The following CNTNAP5 variants were observed in gnomAD, a reference collection of about 807,000 sequenced individuals.
CNTNAP5 encodes contactin-associated protein-like 5.
CNTNAP5 carries 72 observed loss-of-function variants against 150.2 expected under a neutral mutation model. That is an observed-to-expected ratio of 0.48 (90% CI 0.40 to 0.58). The LOEUF (loss-of-function observed/expected upper bound fraction) is 0.58. CNTNAP5 is among the 20% of genes least tolerant of loss of function. CNTNAP5 has a pLI of 0.00. For synonymous variants in CNTNAP5, 672 were observed against 619.8 expected (o/e 1.08, Z -1.25); for missense variants, 1,636 against 1,626.2 (o/e 1.01, Z -0.10).
chr2:124,170,409 A>G (rs557578026), intron 1 of CNTNAP5, among the ~76,000 whole-genome samples: 77 of 152,346 alleles, frequency 5.1e-4, no homozygotes, highest in Middle Eastern at 3.4e-3. Context: ...TTAGCTTTTC[A>G]GAAATCTTGC....
At chr2:124,810,423 C>G (rs970370540) in intron 19 of CNTNAP5, among the ~76,000 whole-genome samples, 3 of 152,060 alleles carry the variant, frequency 2.0e-5, no homozygotes, top group Non-Finnish European at 4.4e-5. Flanking sequence ...CATCTGGCTT[C>G]CCCAGATACA....
rs907155576 is a variant in CNTNAP5 at position 124,920,276 on chromosome 2, A to T, written c.*5988A>T. 2.6e-5 allele frequency among the ~76,000 whole-genome samples: 4 copies of T among 152,146 alleles called. No individual in the cohort carries two copies. The highest frequency in any genetic ancestry group is 5.9e-5 in the Non-Finnish European group (4 of 68,024). ...AGAGAACGTGAACAAAGTGCTGGATATGAAACAGGAATAATGCATTCCTCT... is the reference window on the plus strand; with the variant it reads ...AGAGAACGTGAACAAAGTGCTGGATTTGAAACAGGAATAATGCATTCCTCT... On this transcript the variant is annotated 3_prime_UTR_variant, in exon 24 of 24. Transcript: ENST00000682447.
chr2:124,443,425 A>G (rs1392097599), intron 5 of CNTNAP5, among the ~76,000 whole-genome samples: 1 of 151,938 alleles, frequency 6.6e-6, no homozygotes, highest in Non-Finnish European at 1.5e-5. Context: ...TGCACATTCT[A>G]TTTTACCATC....
chr2:124,414,722 C>CATGT (rs141128090), intron 3 of CNTNAP5, among the ~76,000 whole-genome samples: 21 of 149,742 alleles, frequency 1.4e-4, no homozygotes, highest in Non-Finnish European at 2.4e-4. Context: ...TGTGTGTGTG[C>CATGT]GTGTGTGTGT....
rs146169804 is a variant in CNTNAP5, at chr2:124,117,055, C to T, written c.82+91323C>T. The stretch of plus-strand genomic sequence containing the variant: ...AGCACTGAAACACTCTCCTATCCTC[C>T]TCTCCTAACAGAGTAGCACACACTG... On this transcript the variant is annotated intron_variant, in intron 1 of 23. Coordinates refer to ENST00000682447, the MANE Select transcript of CNTNAP5 (RefSeq NM_001367498.1). Among the ~76,000 whole-genome samples, 312 of 152,362 alleles carry T rather than the reference C, an allele frequency of 2.0e-3. 3 individuals are homozygous for T. Among genetic ancestry groups the T allele is most frequent in the Middle Eastern group, 0.02 (6 of 294 alleles).
intron 11 of CNTNAP5, among the ~76,000 whole-genome samples, chr2:124,578,120 G>A (rs543618745): frequency 6.3e-5 from 9 of 141,778 alleles, no homozygotes; most frequent in East Asian, 6.3e-4. Flanking sequence ...GACCAGCCTG[G>A]CCAACATGGT....
At chr2:124,531,637 C>T (rs1695111724) in intron 10 of CNTNAP5, among the ~76,000 whole-genome samples, 1 of 152,118 alleles carries the variant, frequency 6.6e-6, no homozygotes, top group African/African-American at 2.4e-5. Context: ...AAGCTAAGAC[C>T]TGGAGACGTA....
At chr2:124,299,042 A>G (rs576068157) in intron 3 of CNTNAP5, among the ~76,000 whole-genome samples, 2 of 152,220 alleles carry the variant, frequency 1.3e-5, no homozygotes, top group Non-Finnish European at 2.9e-5. Flanking sequence ...GAAGGGGAAG[A>G]AAAATGGAAT....
chr2:124,881,542 G>A (rs138485482), intron 21 of CNTNAP5, among the ~76,000 whole-genome samples: 8 of 152,186 alleles, frequency 5.3e-5, no homozygotes, highest in South Asian at 2.1e-4. Context: ...CTTTGAGCCA[G>A]CTCTCCAGTC....
At chr2:124,074,008 A>G (rs1682378089) in intron 1 of CNTNAP5, among the ~76,000 whole-genome samples, 1 of 152,158 alleles carries the variant, frequency 6.6e-6, no homozygotes, top group African/African-American at 2.4e-5. Context: ...ATTTATACAT[A>G]AAAAAGAATG....
At chr2:124,890,939 A>G (rs993240282) in intron 21 of CNTNAP5, among the ~76,000 whole-genome samples, 2 of 152,108 alleles carry the variant, frequency 1.3e-5, no homozygotes, top group Non-Finnish European at 2.9e-5. Context: ...TGTATTTACC[A>G]TGTGCCAGGC....
intron 1 of CNTNAP5, among the ~76,000 whole-genome samples, chr2:124,117,422 T>C (rs1683453199): frequency 6.6e-6 from 1 of 152,192 alleles, no homozygotes; most frequent in Admixed American, 6.5e-5. Context: ...ACAAGGCATA[T>C]AGCATATGCT....
intron 4 of CNTNAP5, among the ~76,000 whole-genome samples, chr2:124,427,752 C>T (rs1475288278): frequency 2.0e-4 from 30 of 152,068 alleles, no homozygotes; most frequent in Admixed American, 1.9e-3. Flanking sequence ...CCACCGTGCC[C>T]GGCCAAACCC....
At chr2:124,285,881 G>A (rs1688138287) in intron 3 of CNTNAP5, among the ~76,000 whole-genome samples, 2 of 152,082 alleles carry the variant, frequency 1.3e-5, no homozygotes, top group Admixed American at 6.6e-5. Flanking sequence ...AAATCTTGTT[G>A]ACACTGTCTC....
chr2:124,786,369 A>AAGAAAG (rs1681575326), intron 17 of CNTNAP5, among the ~76,000 whole-genome samples: 1 of 69,390 alleles, frequency 1.4e-5, no homozygotes, highest in Non-Finnish European at 2.9e-5. Context: ...GAAAGAAAGA[A>AAGAAAG]AGAAAGAAAG....
intron 3 of CNTNAP5, among the ~76,000 whole-genome samples, chr2:124,308,877 T>G (rs1380873428): frequency 6.6e-6 from 1 of 152,106 alleles, no homozygotes; most frequent in Non-Finnish European, 1.5e-5. Context: ...GGCTTCAAAT[T>G]CCCACAGACC....
chr2:124,237,339 T>C (rs1686776177), intron 2 of CNTNAP5, among the ~76,000 whole-genome samples: 1 of 152,138 alleles, frequency 6.6e-6, no homozygotes, highest in Non-Finnish European at 1.5e-5. Context: ...CTCATTTCCC[T>C]TTTTGAGTTA....
chr2:124,226,191 G>T (rs552082779), intron 2 of CNTNAP5, among the ~76,000 whole-genome samples: 1 of 150,328 alleles, frequency 6.7e-6, no homozygotes, highest in African/African-American at 2.5e-5. Flanking sequence ...CCTCCATACC[G>T]TTTCTTATAA....
At chr2:124,259,368 T>A (rs1396403063) in intron 3 of CNTNAP5, among the ~76,000 whole-genome samples, 4 of 152,162 alleles carry the variant, frequency 2.6e-5, no homozygotes, top group Admixed American at 2.6e-4. Flanking sequence ...ATTGGGTATA[T>A]ACCCAGTAAT....
Sources: allele counts gnomAD v4.1 joint callset (sites outside exome capture counted in the v4.1 genomes callset), GRCh38; gene constraint gnomAD v4.1.1; transcripts MANE v1.5; gene names NCBI Gene and HGNC (gene_info 2026-07-23, HGNC 2026-07-21).